The following SGCD variants were observed in gnomAD, a reference collection of about 807,000 sequenced individuals.
The protein encoded by SGCD is delta-sarcoglycan.
Under a neutral mutation model 36.6 loss-of-function variants are expected in SGCD, and 18 were observed. That is an observed-to-expected ratio of 0.49 (90% CI 0.34 to 0.73). The LOEUF (loss-of-function observed/expected upper bound fraction) is 0.73. Among genes scored for constraint, SGCD ranks in the 30% least tolerant of loss-of-function variants. The probability of loss-of-function intolerance (pLI) is 0.01; values close to 1 mark genes in which losing one functional copy is unlikely to be tolerated. For synonymous variants in SGCD, 133 were observed against 130.6 expected (o/e 1.02, Z -0.12); for missense variants, 387 against 346.7 (o/e 1.12, Z -0.92).
intron 6 of SGCD, among the ~76,000 whole-genome samples, chr5:156,602,082 G>A (rs902468967): frequency 1.3e-5 from 2 of 152,112 alleles, no homozygotes; most frequent in African/African-American, 4.8e-5. Context: ...CTGTGAACAT[G>A]GAGTCTCTCT....
intron 1 of SGCD, among the ~76,000 whole-genome samples, chr5:156,328,067 C>A (rs946698472): frequency 2.0e-5 from 3 of 152,170 alleles, no homozygotes; most frequent in Non-Finnish European, 4.4e-5. Context: ...CACCTTACTG[C>A]AAAAGAGCTT....
At chr5:155,813,168 G>A in the SGCD span, among the ~76,000 whole-genome samples, 1 of 151,978 alleles carries the variant, frequency 6.6e-6, no homozygotes, top group African/African-American at 2.4e-5. Flanking sequence ...GAGGAGGTTA[G>A]ACAAACATAT....
chr5:156,344,826 A>C, intron 3 of SGCD, 149 bp downstream of exon 3: 1 of 594,412 alleles, frequency 1.7e-6, no homozygotes, highest in Non-Finnish European at 2.9e-6. Context: ...ATTTCTGTTC[A>C]GATTGAATAT....
At chr5:155,941,011 G>C (rs1357354907) in intron 1 of SGCD, among the ~76,000 whole-genome samples, 1 of 148,460 alleles carries the variant, frequency 6.7e-6, no homozygotes, top group Non-Finnish European at 1.5e-5. Flanking sequence ...TTTTTTTTTT[G>C]GCTCGCAATT....
At chr5:156,031,538 T>C (rs1420884410) in intron 1 of SGCD, among the ~76,000 whole-genome samples, 1 of 152,202 alleles carries the variant, frequency 6.6e-6, no homozygotes, top group African/African-American at 2.4e-5. Context: ...AGGTTTTCCT[T>C]TCATTTCTTG....
the SGCD span, among the ~76,000 whole-genome samples, chr5:155,846,669 C>G: frequency 6.6e-6 from 1 of 152,212 alleles, no homozygotes; most frequent in South Asian, 2.1e-4. Context: ...AAACCCACCA[C>G]TGCCATCTAA....
intron 7 of SGCD, among the ~76,000 whole-genome samples, chr5:156,753,561 C>T (rs1757229967): frequency 6.6e-6 from 1 of 152,106 alleles, no homozygotes; most frequent in African/African-American, 2.4e-5. Flanking sequence ...AAAGAACTGC[C>T]CGAGGCTGGG....
chr5:155,743,012 C>T, the SGCD span, among the ~76,000 whole-genome samples: 4 of 152,194 alleles, frequency 2.6e-5, no homozygotes, highest in Non-Finnish European at 5.9e-5. Context: ...GGGCACGGAG[C>T]TTCCTTGCCC....
At chr5:156,095,238 T>C (rs932129060) in intron 1 of SGCD, among the ~76,000 whole-genome samples, 3 of 152,138 alleles carry the variant, frequency 2.0e-5, no homozygotes, top group Non-Finnish European at 4.4e-5. Flanking sequence ...TCTCACCACA[T>C]AGCCTATGCA....
intron 3 of SGCD, among the ~76,000 whole-genome samples, chr5:156,348,982 A>G (rs545494723): frequency 6.6e-6 from 1 of 152,178 alleles, no homozygotes; most frequent in Non-Finnish European, 1.5e-5. Context: ...TACAAAGTAT[A>G]CAAAAACATA....
At chr5:156,467,328 A>G (rs1754761119) in intron 3 of SGCD, among the ~76,000 whole-genome samples, 1 of 152,198 alleles carries the variant, frequency 6.6e-6, no homozygotes, top group South Asian at 2.1e-4. Flanking sequence ...AGTATTCCAG[A>G]CAGTCAAATA....
intron 1 of SGCD, among the ~76,000 whole-genome samples, chr5:155,946,325 T>C (rs73301368): frequency 9.7e-4 from 148 of 152,294 alleles, no homozygotes; most frequent in African/African-American, 3.3e-3. Flanking sequence ...TTGAGGTACA[T>C]AGAAATGAAA....
In SGCD at chr5:156,132,257, T is replaced by G. The variant is rs571072869; in HGVS notation, c.-44+8238T>G. Among the ~76,000 whole-genome samples, 75 of 151,362 alleles carry G rather than the reference T, an allele frequency of 5.0e-4. 1 individual carries two copies. The South Asian group carries it at 0.014, about 28-fold the overall frequency. The stretch of plus-strand genomic sequence containing the variant: ...GGTGTGTTTGTGTGTGTGTGTGTGT[T>G]TGTGTGTGATGTGTCTGTAGATAAG... On this transcript the variant is annotated intron_variant, in intron 3 of 9. Coordinates refer to the SGCD transcript ENST00000517913.
the SGCD span, among the ~76,000 whole-genome samples, chr5:155,746,631 T>G: frequency 6.6e-6 from 1 of 152,220 alleles, no homozygotes; most frequent in African/African-American, 2.4e-5. Flanking sequence ...TTCCAGCTTC[T>G]GTCTTAAGTC....
At chr5:156,219,353 A>G (rs1366404912) in intron 3 of SGCD, among the ~76,000 whole-genome samples, 2 of 152,238 alleles carry the variant, frequency 1.3e-5, no homozygotes, top group African/African-American at 2.4e-5. Flanking sequence ...CACATCGATC[A>G]TGTACATATA....
At chr5:156,609,253 C>T (rs1761654869) in intron 6 of SGCD, among the ~76,000 whole-genome samples, 1 of 152,228 alleles carries the variant, frequency 6.6e-6, no homozygotes, top group Admixed American at 6.5e-5. Flanking sequence ...GTGACAAAAT[C>T]TCTCAGCATT....
chr5:156,486,961 T>A lies in SGCD; in HGVS notation c.193-21640T>A, dbSNP rs192321216. ...ACTGATACCACACATGCCACCCAGA[T>A]GCTTGAGGACCCTCTGTCATCCAAG... On this transcript the variant is annotated intron_variant, in intron 3 of 8. Coordinates refer to ENST00000337851, the MANE Select transcript of SGCD (RefSeq NM_000337.6). 2.0e-5 allele frequency among the ~76,000 whole-genome samples: 3 copies of A among 152,282 alleles called. No individual in the cohort carries two copies. The East Asian group carries it at 5.8e-4, about 29-fold the overall frequency.
chr5:155,900,851 CATAAT>C (rs1368793210), intron 1 of SGCD, among the ~76,000 whole-genome samples: 1 of 151,902 alleles, frequency 6.6e-6, no homozygotes, highest in Non-Finnish European at 1.5e-5. Context: ...AAAAAAACAA[CATAAT>C]ATAAACAATT....
Position 156,754,759 on chromosome 5 carries a change from A to T in SGCD, c.576-2822A>T, listed in dbSNP as rs143597008. On this transcript the variant is annotated intron_variant, in intron 7 of 8. Coordinates refer to ENST00000337851, the MANE Select transcript of SGCD (RefSeq NM_000337.6). ...ACCAGATTGATAGGTTTTGGTGAGG[A>T]TTAAATGAGATAACACATTAGCAGT... Among the ~76,000 whole-genome samples the T allele has an allele frequency of 9.1e-4, 139 of 152,324 alleles. 9 individuals are homozygous for T. The East Asian group carries it at 0.017, about 19-fold the overall frequency.
Sources: gnomAD v4.1 joint callset for allele counts (sites outside exome capture counted in the v4.1 genomes callset) on GRCh38, gnomAD v4.1.1 for gene constraint, MANE v1.5 for transcripts, NCBI Gene and HGNC (gene_info 2026-07-23, HGNC 2026-07-21) for gene names.